Variants in ABCC4 observed in about 807,000 individuals in gnomAD.
ABCC4 encodes the protein ATP binding cassette subfamily C member 4 (PEL blood group), also known as ATP-binding cassette sub-family C member 4.
ABCC4 carries 102 observed loss-of-function variants against 168.5 expected under a neutral mutation model. That is an observed-to-expected ratio of 0.61 (90% confidence interval 0.52 to 0.71). ABCC4 has a LOEUF of 0.71. Ranked by LOEUF, ABCC4 falls within the 30% of genes least tolerant of loss-of-function variation. The pLI, the probability that ABCC4 is intolerant of heterozygous loss-of-function variation, is 0.00. For synonymous variants in ABCC4, 617 were observed against 590.7 expected, an observed-to-expected ratio of 1.04 and a Z score of -0.65; for missense variants, 1,402 against 1,605.8, an observed-to-expected ratio of 0.87 and a Z score of 2.17.
At position 95,277,916 on chromosome 13, in the gene ABCC4, G is replaced by A. The variant is rs980668959; in HGVS notation, c.74+23325C>T. Among the ~76,000 whole-genome samples the A allele has an allele frequency of 3.2e-4, 48 of 152,116 alleles. 2 individuals are homozygous for A. Reference sequence around the variant, plus strand: ...GCAAGCATGGCTAACACATTCCTTGGTCCACCCTGCAGGGTAATACTGCAC... The same window carrying A: ...GCAAGCATGGCTAACACATTCCTTGATCCACCCTGCAGGGTAATACTGCAC... On this transcript the variant is annotated intron_variant, in intron 1 of 30. Coordinates refer to ENST00000645237, the MANE Select transcript of ABCC4 (RefSeq NM_005845.5).
chr13:95,037,546 G>C (rs2032174656), intron 29 of ABCC4, among the ~76,000 whole-genome samples: 1 of 152,224 alleles, frequency 6.6e-6, no homozygotes, highest in Admixed American at 6.5e-5. Context: ...GCACAAATCG[G>C]AAGATGGCAG....
chr13:95,094,374 C>T (rs949585860), intron 20 of ABCC4, among the ~76,000 whole-genome samples: 31 of 151,464 alleles, frequency 2.0e-4, no homozygotes, highest in Admixed American at 1.2e-3. Context: ...AATACTTAAC[C>T]GCCAACTGAT....
chr13:95,225,147 TCTCTCTCACACA>T (rs1389449473), intron 4 of ABCC4, among the ~76,000 whole-genome samples: 1,348 of 100,768 alleles, frequency 0.013, 15 homozygotes, highest in African/African-American at 0.023. Context: ...TCTGTCTCTC[TCTCTCTCACACA>T]CACACACACA....
chr13:95,215,572 G>A (rs1206112300), intron 4 of ABCC4, among the ~76,000 whole-genome samples: 2 of 152,022 alleles, frequency 1.3e-5, no homozygotes, highest in Non-Finnish European at 2.9e-5. Context: ...TAACTTTTAA[G>A]GTAAAATAGT....
At chr13:95,288,262 T>G (rs575946857) in intron 1 of ABCC4, among the ~76,000 whole-genome samples, 1 of 152,210 alleles carries the variant, frequency 6.6e-6, no homozygotes, top group East Asian at 1.9e-4. Context: ...AGCTTCTCAC[T>G]TGGTCCTACC....
chr13:95,205,192 C>T (rs1329877957), intron 8 of ABCC4, among the ~76,000 whole-genome samples: 1 of 152,110 alleles, frequency 6.6e-6, no homozygotes, highest in African/African-American at 2.4e-5. Context: ...TTATGAAATA[C>T]AAACTTGCTA....
At chr13:95,239,296 G>C (rs1200828552) in intron 3 of ABCC4, among the ~76,000 whole-genome samples, 3 of 152,122 alleles carry the variant, frequency 2.0e-5, no homozygotes, top group Non-Finnish European at 4.4e-5. Flanking sequence ...AAAAAGAACA[G>C]ATGAAGGGAG....
chr13:95,165,185 G>C (rs1246373696), intron 15 of ABCC4, among the ~76,000 whole-genome samples: 3 of 152,146 alleles, frequency 2.0e-5, no homozygotes. Context: ...AAAAGATATG[G>C]AACTCTCAAC....
chr13:95,094,810 T>C (rs1248560826), intron 20 of ABCC4, among the ~76,000 whole-genome samples: 1 of 103,724 alleles, frequency 9.6e-6, no homozygotes, highest in African/African-American at 4.0e-5. Flanking sequence ...TACAATGAAT[T>C]AGAACAAATC....
intron 25 of ABCC4, 42 bp from the exon 26 acceptor site, chr13:95,062,901 A>ATC: frequency 2.1e-6 from 3 of 1,429,926 alleles, no homozygotes; most frequent in Non-Finnish European, 2.9e-6. Context: ...AAAAAAAGAA[A>ATC]AAAATCACAG....
intron 13 of ABCC4, among the ~76,000 whole-genome samples, chr13:95,177,150 G>T (rs2037731004): frequency 6.6e-6 from 1 of 152,178 alleles, no homozygotes. Flanking sequence ...GTCTACTATG[G>T]AGCAAATCAT....
intron 4 of ABCC4, among the ~76,000 whole-genome samples, chr13:95,233,443 A>C (rs901011816): frequency 1.2e-4 from 19 of 152,090 alleles, no homozygotes; most frequent in African/African-American, 4.3e-4. Flanking sequence ...GTGGGAGGTA[A>C]TCATTGGGTA....
At chr13:95,205,670 C>T (rs1412062094) in intron 8 of ABCC4, among the ~76,000 whole-genome samples, 1 of 152,190 alleles carries the variant, frequency 6.6e-6, no homozygotes, top group Non-Finnish European at 1.5e-5. Flanking sequence ...TTTGAATGGG[C>T]ATGCCTGTTC....
At chr13:95,041,724 A>C (rs887526858) in intron 29 of ABCC4, among the ~76,000 whole-genome samples, 1 of 152,188 alleles carries the variant, frequency 6.6e-6, no homozygotes, top group Non-Finnish European at 1.5e-5. Context: ...AAAATCAAAG[A>C]TCTGAGGAAG....
chr13:95,235,673 G>A (rs533368641), intron 3 of ABCC4, among the ~76,000 whole-genome samples: 4 of 152,082 alleles, frequency 2.6e-5, no homozygotes, highest in East Asian at 1.9e-4. Context: ...TCCAAGAGTC[G>A]GTAGATCTAA....
chr13:95,057,993 C>A (rs562426844), intron 26 of ABCC4, among the ~76,000 whole-genome samples: 1 of 152,268 alleles, frequency 6.6e-6, no homozygotes, highest in East Asian at 1.9e-4. Context: ...CTGCAGCCAG[C>A]GAGGCCTCGG....
chr13:95,155,364 A>C (rs2036821648), intron 19 of ABCC4, among the ~76,000 whole-genome samples: 1 of 152,020 alleles, frequency 6.6e-6, no homozygotes, highest in Non-Finnish European at 1.5e-5. Context: ...AATCTTAATC[A>C]CTGGGGCAAC....
intron 4 of ABCC4, among the ~76,000 whole-genome samples, chr13:95,217,003 G>A (rs1381792701): frequency 6.6e-6 from 1 of 152,138 alleles, no homozygotes; most frequent in African/African-American, 2.4e-5. Context: ...AAACATCTGA[G>A]TATCTAATTA....
chr13:95,290,304 A>C (rs534425678), intron 1 of ABCC4, among the ~76,000 whole-genome samples: 14 of 152,314 alleles, frequency 9.2e-5, no homozygotes, highest in Admixed American at 9.2e-4. Context: ...AATTTAGAAA[A>C]AATAAAGCTA....
Sources: gnomAD v4.1 joint callset for allele counts (sites outside exome capture counted in the v4.1 genomes callset) on GRCh38, gnomAD v4.1.1 for gene constraint, MANE v1.5 for transcripts, NCBI Gene and HGNC (gene_info 2026-07-23, HGNC 2026-07-21) for gene names.